The following LRP1B variants were observed in gnomAD, a reference collection of about 807,000 sequenced individuals.
LRP1B encodes the protein low-density lipoprotein receptor-related protein 1B.
A neutral mutation model predicts 556.6 loss-of-function variants in LRP1B; 217 were observed. That is an observed-to-expected ratio of 0.39 (90% CI 0.35 to 0.44). The LOEUF (loss-of-function observed/expected upper bound fraction) is 0.44, where lower values mean the gene tolerates loss of function less well. Ranked by LOEUF, LRP1B falls within the 20% of genes least tolerant of loss-of-function variation. The pLI, the probability that LRP1B is intolerant of heterozygous loss-of-function variation, is 1.00. For missense variants in LRP1B, 5,053 were observed against 5,620.8 expected (o/e 0.90, Z 3.23); for synonymous variants, 2,047 against 1,865.8 (o/e 1.10, Z -2.50).
chr2:141,350,760 T>C (rs1688415763), intron 3 of LRP1B, among the ~76,000 whole-genome samples: 1 of 152,080 alleles, frequency 6.6e-6, no homozygotes, highest in African/African-American at 2.4e-5. Context: ...AGTCCCTGTT[T>C]AACAACTTTG....
At chr2:140,322,557 TA>T (rs1680199959) in intron 81 of LRP1B, among the ~76,000 whole-genome samples, 1 of 115,480 alleles carries the variant, frequency 8.7e-6, no homozygotes, top group Non-Finnish European at 1.8e-5. Context: ...TGAAAATGCA[TA>T]TGTAGCTTGT....
At chr2:141,969,112 GTT>G (rs796778831) in intron 1 of LRP1B, among the ~76,000 whole-genome samples, 12 of 138,174 alleles carry the variant, frequency 8.7e-5, no homozygotes, top group African/African-American at 3.1e-4. Context: ...AGTTGTTTCT[GTT>G]TTTTTTTTTT....
rs983287389 is a variant in LRP1B, at chr2:140,474,955, C to T, written c.9625+183G>A. 4.0e-5 allele frequency among the ~76,000 whole-genome samples: 6 copies of T among 149,722 alleles called. No individual in the cohort carries two copies. In the East Asian group the frequency reaches 1.2e-3, roughly 29 times the overall value. On this transcript the variant is annotated intron_variant, in intron 60 of 90. Coordinates refer to ENST00000389484, the MANE Select transcript of LRP1B (RefSeq NM_018557.3). ...CATTGATAGTGTAAAATATCTTGTG[C>T]ATAACATATAATTTTTGAATACATC...
intron 1 of LRP1B, among the ~76,000 whole-genome samples, chr2:142,108,467 T>G (rs1706839145): frequency 6.6e-6 from 1 of 152,230 alleles, no homozygotes; most frequent in Non-Finnish European, 1.5e-5. Context: ...TCAATGTTAT[T>G]GACTACTATC....
intron 3 of LRP1B, among the ~76,000 whole-genome samples, chr2:141,410,383 C>T (rs1191775494): frequency 6.6e-6 from 1 of 152,002 alleles, no homozygotes; most frequent in African/African-American, 2.4e-5. Flanking sequence ...GTGGTTCTCT[C>T]ATACAAGGAA....
At chr2:141,694,072 G>A (rs574781374) in intron 2 of LRP1B, among the ~76,000 whole-genome samples, 1 of 152,040 alleles carries the variant, frequency 6.6e-6, no homozygotes, top group Non-Finnish European at 1.5e-5. Context: ...ATCGCGGAAT[G>A]TAAATTCCTA....
At chr2:140,945,693 C>T (rs556251270) in intron 20 of LRP1B, among the ~76,000 whole-genome samples, 6 of 149,560 alleles carry the variant, frequency 4.0e-5, no homozygotes, top group African/African-American at 9.8e-5. Flanking sequence ...TTACTATATA[C>T]AAAAAAAAAT....
chr2:141,140,502 A>C (rs1014493628), intron 7 of LRP1B, among the ~76,000 whole-genome samples: 4 of 152,128 alleles, frequency 2.6e-5, no homozygotes, highest in African/African-American at 9.7e-5. Flanking sequence ...TATAGAAGTA[A>C]TTAGGGTTAA....
intron 34 of LRP1B, 95 bp downstream of exon 34, chr2:140,770,786 A>G: frequency 2.0e-6 from 2 of 1,017,676 alleles, no homozygotes; most frequent in East Asian, 5.8e-5. Flanking sequence ...ATTTTTTTCT[A>G]ATGTTTAACT....
chr2:141,687,728 G>A (rs139875756), intron 2 of LRP1B, among the ~76,000 whole-genome samples: 12 of 151,790 alleles, frequency 7.9e-5, no homozygotes, highest in African/African-American at 1.9e-4. Context: ...CTTTTTCCAC[G>A]TGAAGGCTTT....
chr2:140,637,614 C>G (rs1383460231), intron 41 of LRP1B, among the ~76,000 whole-genome samples: 1 of 151,976 alleles, frequency 6.6e-6, no homozygotes, highest in Non-Finnish European at 1.5e-5. Flanking sequence ...CTCAAATTCT[C>G]TCACTGCTTG....
chr2:140,517,149 A>C (rs1689940980), intron 49 of LRP1B, 138 bp from the exon 50 acceptor site: 1 of 639,730 alleles, frequency 1.6e-6, no homozygotes, highest in Admixed American at 3.0e-5. Flanking sequence ...CTCCTAAAGA[A>C]TGTCAAGGTT....
At chr2:141,753,597 A>G (rs534222933) in intron 2 of LRP1B, among the ~76,000 whole-genome samples, 1 of 151,812 alleles carries the variant, frequency 6.6e-6, no homozygotes, top group South Asian at 2.1e-4. Context: ...CCTTTCTTTC[A>G]CTATTTCCCT....
chr2:141,636,325 T>C (rs953044468), intron 2 of LRP1B, among the ~76,000 whole-genome samples: 2 of 152,102 alleles, frequency 1.3e-5, no homozygotes, highest in Non-Finnish European at 2.9e-5. Flanking sequence ...TAATGTATTA[T>C]CAGGGAATTC....
At chr2:141,620,783 C>G (rs923530936) in intron 2 of LRP1B, among the ~76,000 whole-genome samples, 24 of 151,946 alleles carry the variant, frequency 1.6e-4, no homozygotes, top group Admixed American at 1.3e-3. Flanking sequence ...AATGAAGACA[C>G]CTTTTCAGAA....
intron 32 of LRP1B, among the ~76,000 whole-genome samples, chr2:140,791,758 T>C (rs553165996): frequency 3.9e-5 from 6 of 152,320 alleles, no homozygotes; most frequent in African/African-American, 1.4e-4. Flanking sequence ...TTGTACCAGA[T>C]TGCCTTGTAT....
At chr2:140,986,280 G>A (rs926570599) in intron 17 of LRP1B, among the ~76,000 whole-genome samples, 1 of 151,820 alleles carries the variant, frequency 6.6e-6, no homozygotes, top group Non-Finnish European at 1.5e-5. Flanking sequence ...CATTTCAATT[G>A]TTTCAGTTTT....
chr2:140,803,803 A>C (rs1690609400), intron 32 of LRP1B, among the ~76,000 whole-genome samples: 1 of 152,116 alleles, frequency 6.6e-6, no homozygotes, highest in Non-Finnish European at 1.5e-5. Flanking sequence ...ACTTTCAGAA[A>C]ATAAAAATAT....
chr2:141,538,561 T>C (rs1410101978), intron 2 of LRP1B, among the ~76,000 whole-genome samples: 1 of 151,976 alleles, frequency 6.6e-6, no homozygotes, highest in African/African-American at 2.4e-5. Context: ...CAGTGATTAA[T>C]CCACATCTAC....
Sources: allele counts gnomAD v4.1 joint callset (sites outside exome capture counted in the v4.1 genomes callset), GRCh38; gene constraint gnomAD v4.1.1; transcripts MANE v1.5; gene names NCBI Gene and HGNC (gene_info 2026-07-23, HGNC 2026-07-21).